Variants in FBXL3 observed in about 807,000 individuals in gnomAD.
FBXL3 encodes F-box and leucine rich repeat protein 3.
FBXL3 carries 14 observed loss-of-function variants against 37.9 expected under a neutral mutation model. The observed-to-expected ratio is 0.37, with a 90% CI of 0.24 to 0.58. FBXL3 has a LOEUF of 0.58. Among genes scored for constraint, FBXL3 ranks in the 20% least tolerant of loss-of-function variants. FBXL3 has a pLI of 0.74. For synonymous variants in FBXL3, 194 were observed against 180.1 expected (o/e 1.08, Z -0.62); for missense variants, 327 against 511.1 (o/e 0.64, Z 3.47).
In FBXL3 at chr13:77,007,115, G is replaced by T; in HGVS notation, c.*30C>A. The stretch of plus-strand genomic sequence containing the variant: ...AACTTTAATTATAATACATTTGCTT[G>T]AAATTAAGGTGCTATTCATCATGCA... On this transcript the variant is annotated 3_prime_UTR_variant, in exon 5 of 5. Transcript: ENST00000355619. The T allele has an allele frequency of 6.5e-7, 1 of 1,546,328 alleles. No individual in the cohort carries two copies. The highest frequency in any genetic ancestry group is 1.2e-5 in the South Asian group (1 of 80,898).
intron 2 of FBXL3, among the ~76,000 whole-genome samples, chr13:77,019,837 A>C (rs2034708777): frequency 2.0e-5 from 3 of 152,036 alleles, no homozygotes; most frequent in African/African-American, 7.2e-5. Context: ...TTCCTCAGGA[A>C]AATTAAAAAA....
At chr13:77,020,605 G>T (rs201628013) in intron 2 of FBXL3, among the ~76,000 whole-genome samples, 23 of 149,442 alleles carry the variant, frequency 1.5e-4, no homozygotes, top group South Asian at 4.2e-4. Context: ...TTCATGCATT[G>T]TTTTTTTTTT....
intron 4 of FBXL3, among the ~76,000 whole-genome samples, chr13:77,011,784 C>T (rs1236916775): frequency 6.6e-6 from 1 of 150,550 alleles, no homozygotes; most frequent in African/African-American, 2.4e-5. Flanking sequence ...AAATCAAAAC[C>T]ACAATGAGTT....
intron 1 of FBXL3, chr13:77,026,453 G>C: frequency 1.2e-6 from 1 of 836,194 alleles, no homozygotes; most frequent in Non-Finnish European, 1.4e-6. Context: ...AGCCGACGCC[G>C]GGAGAGCCCA....
intron 4 of FBXL3, among the ~76,000 whole-genome samples, chr13:77,012,419 C>T (rs2034570659): frequency 6.6e-6 from 1 of 151,926 alleles, no homozygotes; most frequent in African/African-American, 2.4e-5. Context: ...TGCTATAAGC[C>T]AATTTTTTTT....
At chr13:77,025,275 T>C (rs1198425287) in intron 1 of FBXL3, among the ~76,000 whole-genome samples, 1 of 152,210 alleles carries the variant, frequency 6.6e-6, no homozygotes, top group Non-Finnish European at 1.5e-5. Context: ...TTTAATTTCC[T>C]GCAAAGCTTC....
chr13:77,014,763 G>A (rs2034614331), intron 4 of FBXL3: 1 of 152,192 alleles, frequency 6.6e-6, no homozygotes, highest in Non-Finnish European at 1.5e-5. Context: ...ACAGCAGACA[G>A]TAGTATAATA....
In FBXL3 at chr13:77,015,571, T is replaced by C; in HGVS notation, c.481A>G (p.Ile161Val). Residue 161 changes from isoleucine to valine, a missense_variant, in exon 4 of 5, where the codon ATC becomes GTC. Transcript: ENST00000355619. ...ACGAACACAACTGTCAGTGCAGAGA[T>C]AAAGTGAGACTGAAAAGCAAAAAAA... ...SFMDLPKSHF[I>V]SALTVVFVNS... 6.6e-7 allele frequency: 1 copy of C among 1,520,192 alleles called. No individual in the cohort carries two copies. The allele number at this position is 1,520,192 out of a possible 1,614,324, so 94.2% of individuals were successfully genotyped here.
chr13:77,015,518 C>G lies in FBXL3; in HGVS notation c.534G>C (p.Lys178Asn). 1 of 1,606,488 alleles carries G rather than the reference C, an allele frequency of 6.2e-7. No homozygotes were observed. Among genetic ancestry groups the G allele is most frequent in the Non-Finnish European group, 8.5e-7 (1 of 1,176,254 alleles). The change falls in exon 4 of 5, where the codon AAG (lysine) becomes AAC (asparagine). Residue 178 changes from lysine (K) to asparagine (N), a missense_variant. Lys to Asn is a moderately conservative substitution (Grantham distance 94). Coordinates refer to ENST00000355619, the MANE Select transcript of FBXL3 (RefSeq NM_012158.4). Reference protein sequence around the residue: ...FVNSKSLSSLKIDDTPVDDPS... With the variant: ...FVNSKSLSSLNIDDTPVDDPS... Reference sequence around the variant, plus strand: ...GATCATCTACTGGAGTATCATCTATCTTAAGCGAAGACAGGGATTTGGAGT... The same window carrying G: ...GATCATCTACTGGAGTATCATCTATGTTAAGCGAAGACAGGGATTTGGAGT...
intron 3 of FBXL3, chr13:77,015,832 T>C (rs1284105289): frequency 1.3e-5 from 3 of 230,390 alleles, no homozygotes; most frequent in Non-Finnish European, 2.5e-5. Context: ...TGTCTCTAAA[T>C]CAGAGAAACC....
chr13:77,022,693 T>C (rs927132313), intron 1 of FBXL3, among the ~76,000 whole-genome samples: 1 of 152,228 alleles, frequency 6.6e-6, no homozygotes, highest in African/African-American at 2.4e-5. Context: ...TTCAAACACA[T>C]CACTTAATAT....
At position 77,006,949 on chromosome 13, in the gene FBXL3, T is replaced by TA. The variant is rs906070088; in HGVS notation, c.*195dup. Reference sequence around the variant, plus strand: ...AAAAATTCGGAGATATGACTGCTATTACACTAAGGAAACAAGTGGAATTTT... The same window carrying TA: ...AAAAATTCGGAGATATGACTGCTATTAACACTAAGGAAACAAGTGGAATTTT... On this transcript the variant is annotated 3_prime_UTR_variant, in exon 5 of 5. Coordinates refer to ENST00000355619, the MANE Select transcript of FBXL3 (RefSeq NM_012158.4). 4.3e-6 allele frequency: 6 copies of TA among 1,402,012 alleles called. No individual in the cohort carries two copies. The highest frequency in any genetic ancestry group is 5.5e-6 in the Non-Finnish European group (6 of 1,082,724). The allele number at this position is 1,402,012 out of a possible 1,614,324, so 86.8% of individuals were successfully genotyped here.
chr13:77,010,377 C>T (rs2034528155), intron 4 of FBXL3: 1 of 152,036 alleles, frequency 6.6e-6, no homozygotes, highest in Admixed American at 6.6e-5. Context: ...AAAATGGCCT[C>T]CAAGATCCCA....
At position 77,006,929 on chromosome 13, in the gene FBXL3, T is replaced by C; in HGVS notation, c.*216A>G. 1 of 1,364,396 alleles carries C rather than the reference T, an allele frequency of 7.3e-7. No individual in the cohort carries two copies. The highest frequency in any genetic ancestry group is 2.7e-5 in the East Asian group (1 of 37,350). 84.5% of individuals were successfully genotyped at this position (1,364,396 alleles called of 1,614,324 possible). A position where few individuals can be genotyped will look rare whatever the true frequency, so the allele number is the denominator to read the frequency against. ...CACATCCGAACCACATTAAAAAAAA[T>C]TCGGAGATATGACTGCTATTACACT... On this transcript the variant is annotated 3_prime_UTR_variant, in exon 5 of 5. Transcript: ENST00000355619.
At chr13:77,018,857 A>C in intron 2 of FBXL3, 135 bp from the exon 3 acceptor site, 1 of 681,708 alleles carries the variant, frequency 1.5e-6, no homozygotes, top group Non-Finnish European at 2.1e-6. Context: ...TAGAAGTATC[A>C]TTACTAGTTT....
At chr13:77,025,942 G>A (rs761498752) in intron 1 of FBXL3, among the ~76,000 whole-genome samples, 1 of 151,768 alleles carries the variant, frequency 6.6e-6, no homozygotes, top group African/African-American at 2.4e-5. Flanking sequence ...CTATAAAGAG[G>A]TTAACTCACA....
chr13:77,011,961 C>T (rs776751128), intron 4 of FBXL3, among the ~76,000 whole-genome samples: 15 of 152,044 alleles, frequency 9.9e-5, no homozygotes, highest in African/African-American at 2.4e-4. Context: ...ACCATATGTC[C>T]GCACAAAATT....
intron 1 of FBXL3, among the ~76,000 whole-genome samples, chr13:77,022,582 T>C (rs1032777871): frequency 1.3e-5 from 2 of 152,214 alleles, no homozygotes; most frequent in Non-Finnish European, 2.9e-5. Flanking sequence ...GGACAGGCAC[T>C]GGGCTATGCT....
intron 3 of FBXL3, chr13:77,017,318 T>TATAC (rs2034661850): frequency 6.6e-6 from 1 of 152,214 alleles, no homozygotes; most frequent in Non-Finnish European, 1.5e-5. Flanking sequence ...TTTAATATGG[T>TATAC]ATACATACAT....
Sources: gnomAD v4.1 joint callset for allele counts (sites outside exome capture counted in the v4.1 genomes callset) on GRCh38, gnomAD v4.1.1 for gene constraint, MANE v1.5 for transcripts, NCBI Gene and HGNC (gene_info 2026-07-23, HGNC 2026-07-21) for gene names.